The following ADAMTS16 variants were observed in gnomAD, a reference collection of about 807,000 sequenced individuals.
The protein encoded by ADAMTS16 is A disintegrin and metalloproteinase with thrombospondin motifs 16.
A neutral mutation model predicts 145.8 loss-of-function variants in ADAMTS16; 94 were observed. That is an observed-to-expected ratio of 0.64 (90% confidence interval 0.55 to 0.77). The LOEUF (loss-of-function observed/expected upper bound fraction) is 0.77. Among genes scored for constraint, ADAMTS16 ranks in the 30% least tolerant of loss-of-function variants. ADAMTS16 has a pLI of 0.00. For missense variants in ADAMTS16, 1,585 were observed against 1,591.5 expected (o/e 1.00, Z 0.07); for synonymous variants, 659 against 604.3 (o/e 1.09, Z -1.33).
At position 5,269,905 on chromosome 5, in the gene ADAMTS16, G is replaced by A. The variant is rs367784005; in HGVS notation, c.2789+7122G>A. On this transcript the variant is annotated intron_variant, in intron 18 of 22. Coordinates refer to ENST00000274181, the MANE Select transcript of ADAMTS16 (RefSeq NM_139056.4). The surrounding 1 kb of genome is among the most constrained non-coding windows in gnomAD (Gnocchi z 4.3). ...AAAAGGTGCAGTTCAGCAGCAGAGG[G>A]CCAGTCTAGGGGAAGCTGGAGCTGA... is the stretch of plus-strand genomic sequence containing the variant. 6.6e-6 allele frequency among the ~76,000 whole-genome samples: 1 copy of A among 152,188 alleles called. No individual in the cohort carries two copies. The highest frequency in any genetic ancestry group is 1.9e-4 in the East Asian group (1 of 5,180).
In ADAMTS16 at chr5:5,158,080, CT is replaced by C. The variant is rs371474036; in HGVS notation, c.501+11626del. On this transcript the variant is annotated intron_variant, in intron 3 of 22. Coordinates refer to ENST00000274181, the MANE Select transcript of ADAMTS16 (RefSeq NM_139056.4). ...AGTCATTCCCATAAGTAATATCACA[CT>C]GTTTCACTGTTGCTCCAAGCCAGGG... 7.6e-4 allele frequency among the ~76,000 whole-genome samples: 116 copies of C among 152,358 alleles called. 1 individual carries two copies. In the Middle Eastern group the frequency reaches 0.017, roughly 22 times the overall value.
At chr5:5,200,042 C>G in intron 8 of ADAMTS16, 90 bp from the exon 9 acceptor site, 1 of 1,430,192 alleles carries the variant, frequency 7.0e-7, no homozygotes, top group Non-Finnish European at 9.3e-7. Flanking sequence ...GGGAGTCTCA[C>G]AGTCTTGACT....
chr5:5,174,185 C>T (rs908184133), intron 3 of ADAMTS16, among the ~76,000 whole-genome samples: 1 of 152,110 alleles, frequency 6.6e-6, no homozygotes, highest in Non-Finnish European at 1.5e-5. Flanking sequence ...GTCCTTATTT[C>T]TCCTTCATGT....
chr5:5,167,575 G>C (rs1734916118), intron 3 of ADAMTS16, among the ~76,000 whole-genome samples: 1 of 152,188 alleles, frequency 6.6e-6, no homozygotes, highest in South Asian at 2.1e-4. Context: ...AAATATTTTA[G>C]CTGGGACAGT....
chr5:5,263,954 T>TA lies in ADAMTS16; in HGVS notation c.2789+1176dup, dbSNP rs374078012. Among the ~76,000 whole-genome samples, 351 of 152,138 alleles carry TA rather than the reference T, an allele frequency of 2.3e-3. 2 individuals carry two copies. The highest frequency in any genetic ancestry group is 7.9e-3 in the African/African-American group (329 of 41,524). ...GAGGGCGGAGAATTTTATCAAGCGA[T>TA]AAAAATAGCTCTCAGCAGAGAGGGT... is the stretch of plus-strand genomic sequence containing the variant. On this transcript the variant is annotated intron_variant, in intron 18 of 22. Transcript: ENST00000274181.
chr5:5,168,438 T>C (rs1734943349), intron 3 of ADAMTS16, among the ~76,000 whole-genome samples: 2 of 146,370 alleles, frequency 1.4e-5, no homozygotes, highest in South Asian at 4.2e-4. Flanking sequence ...TTTTAAAAAC[T>C]CTTCAAGTTA....
At chr5:5,143,869 C>T (rs1037756925) in intron 2 of ADAMTS16, among the ~76,000 whole-genome samples, 1 of 152,114 alleles carries the variant, frequency 6.6e-6, no homozygotes, top group Non-Finnish European at 1.5e-5. Flanking sequence ...TCTCAGCAAA[C>T]TAACACAGGA....
intron 11 of ADAMTS16, among the ~76,000 whole-genome samples, chr5:5,231,090 C>T (rs1268530974): frequency 6.6e-6 from 1 of 152,128 alleles, no homozygotes; most frequent in Admixed American, 6.5e-5. Context: ...CACTCCTGTC[C>T]CCACACCTGT....
chr5:5,206,514 C>G (rs1736125259), intron 9 of ADAMTS16, among the ~76,000 whole-genome samples: 1 of 148,768 alleles, frequency 6.7e-6, no homozygotes, highest in African/African-American at 2.5e-5. Flanking sequence ...GAGTCTCACT[C>G]TGTTACCCGG....
intron 15 of ADAMTS16, 23 bp from the exon 16 acceptor site, chr5:5,239,658 T>C (rs1295398595): frequency 6.2e-7 from 1 of 1,609,930 alleles, no homozygotes; most frequent in Non-Finnish European, 8.5e-7. Context: ...AAAAGCTGTA[T>C]CTTCCCCATT....
At chr5:5,220,253 A>G (rs12660007) in intron 10 of ADAMTS16, among the ~76,000 whole-genome samples, 36,526 of 145,456 alleles carry the variant, frequency 0.25, 4,884 homozygotes, top group Middle Eastern at 0.37. Flanking sequence ...TCTAACTTCC[A>G]GGTTCACGCC....
intron 18 of ADAMTS16, among the ~76,000 whole-genome samples, chr5:5,297,021 C>G (rs1489325613): frequency 6.6e-6 from 1 of 152,150 alleles, no homozygotes; most frequent in Non-Finnish European, 1.5e-5. Context: ...TTGAGTAGAG[C>G]AGGAATGATT....
chr5:5,253,980 G>T (rs2964410), intron 17 of ADAMTS16, among the ~76,000 whole-genome samples: 145,627 of 152,258 alleles, frequency 0.96, 69,857 homozygotes, highest in Non-Finnish European at 1. Flanking sequence ...GTGTCTTTTC[G>T]CGTGAATCTC....
At chr5:5,181,845 A>G (rs1735347438) in intron 3 of ADAMTS16, among the ~76,000 whole-genome samples, 199 bp from the exon 4 acceptor site, 1 of 152,148 alleles carries the variant, frequency 6.6e-6, no homozygotes, top group Non-Finnish European at 1.5e-5. Context: ...GCAGAGCCAG[A>G]GAGCTCAGAC....
At chr5:5,251,218 G>A (rs968455952) in intron 17 of ADAMTS16, among the ~76,000 whole-genome samples, 45 of 152,068 alleles carry the variant, frequency 3.0e-4, no homozygotes, top group African/African-American at 8.9e-4. Context: ...GCACCCATTC[G>A]GTCTCTCCCT....
intron 4 of ADAMTS16, 134 bp downstream of exon 4, chr5:5,182,439 C>T: frequency 1.7e-6 from 2 of 1,165,876 alleles, no homozygotes; most frequent in Non-Finnish European, 2.4e-6. Context: ...TAAACTGAAG[C>T]AATGATTCCA....
intron 3 of ADAMTS16, among the ~76,000 whole-genome samples, chr5:5,147,239 C>A (rs151129574): frequency 6.6e-6 from 1 of 152,244 alleles, no homozygotes; most frequent in East Asian, 1.9e-4. Context: ...TGCTCAGGTG[C>A]AGAGGAGCGA....
At chr5:5,215,619 A>G (rs1736400957) in intron 10 of ADAMTS16, among the ~76,000 whole-genome samples, 1 of 151,364 alleles carries the variant, frequency 6.6e-6, no homozygotes. Flanking sequence ...CTTCACTTGG[A>G]ATAATAGTCT....
intron 18 of ADAMTS16, among the ~76,000 whole-genome samples, chr5:5,281,671 T>C (rs941012108): frequency 6.6e-6 from 1 of 152,066 alleles, no homozygotes; most frequent in African/African-American, 2.4e-5. Context: ...ATTTAAAACA[T>C]GTGTAGATGC....
Sources: allele counts gnomAD v4.1 joint callset (sites outside exome capture counted in the v4.1 genomes callset), GRCh38; gene constraint gnomAD v4.1.1; non-coding constraint Gnocchi (gnomAD v3.1); transcripts MANE v1.5; gene names NCBI Gene and HGNC (gene_info 2026-07-23, HGNC 2026-07-21).